Variants in SLC43A2 observed in about 807,000 individuals in gnomAD.
SLC43A2 encodes large neutral amino acids transporter small subunit 4.
SLC43A2 carries 38 observed loss-of-function variants against 63.2 expected under a neutral mutation model. The observed-to-expected ratio is 0.60, with a 90% CI of 0.46 to 0.79. SLC43A2 has a LOEUF of 0.79. SLC43A2 is among the 30% of genes least tolerant of loss of function. The pLI is 0.00. For missense variants in SLC43A2, 644 were observed against 756.2 expected, an observed-to-expected ratio of 0.85 and a Z score of 1.74; for synonymous variants, 322 against 331.0, an observed-to-expected ratio of 0.97 and a Z score of 0.30.
chr17:1,609,510 T>C (rs1053878840), intron 5 of SLC43A2, among the ~76,000 whole-genome samples: 1 of 152,104 alleles, frequency 6.6e-6, no homozygotes, highest in African/African-American at 2.4e-5. Context: ...CCAGATAACA[T>C]TTTTAGAAGA....
intron 8 of SLC43A2, 70 bp from the exon 9 acceptor site, chr17:1,591,018 C>T (rs1904716751): frequency 1.3e-6 from 2 of 1,506,496 alleles, no homozygotes; most frequent in African/African-American, 1.4e-5. Context: ...CACGCAGATC[C>T]CTCCACGCTG....
At chr17:1,581,201 C>CA (rs1438587952) in intron 11 of SLC43A2, among the ~76,000 whole-genome samples, 5 of 129,756 alleles carry the variant, frequency 3.9e-5, no homozygotes, top group South Asian at 5.6e-4. Flanking sequence ...GTGCCCAGTG[C>CA]CCACACACAC....
intron 5 of SLC43A2, among the ~76,000 whole-genome samples, chr17:1,609,814 T>G (rs1015775156): frequency 6.6e-6 from 1 of 151,302 alleles, no homozygotes; most frequent in African/African-American, 2.4e-5. Flanking sequence ...TTATCACAGT[T>G]CTTTTTTTTT....
In SLC43A2 at chr17:1,587,103, T is replaced by C. The variant is rs76181243; in HGVS notation, c.1079-1052A>G. ...ATTTCCCACACTGCGTTTCCCGCAC[T>C]GCATTTCCCACTAAGCGTGACTCGG... On this transcript the variant is annotated intron_variant, in intron 9 of 13. Coordinates refer to ENST00000301335, the MANE Select transcript of SLC43A2 (RefSeq NM_152346.3). 3.4e-4 allele frequency: 231 copies of C among 673,440 alleles called. 1 individual carries two copies. The highest frequency in any genetic ancestry group is 4.9e-4 in the Non-Finnish European group (210 of 426,302). 41.7% of individuals were successfully genotyped at this position (673,440 alleles called of 1,614,324 possible). A position where few individuals can be genotyped will look rare whatever the true frequency, so the allele number is the denominator to read the frequency against.
At position 1,583,178 on chromosome 17, in the gene SLC43A2, C is replaced by G; in HGVS notation, c.1350+26G>C. The G allele has an allele frequency of 6.2e-7, 1 of 1,609,110 alleles. No homozygotes were observed. The highest frequency in any genetic ancestry group is 1.3e-5 in the African/African-American group (1 of 74,990). On this transcript the variant is annotated intron_variant, in intron 11 of 13. Coordinates refer to ENST00000301335, the MANE Select transcript of SLC43A2 (RefSeq NM_152346.3). This position sits in a 1 kb window ranked among gnomAD's most constrained non-coding sequence, Gnocchi z 5.5. Reference sequence around the variant, plus strand: ...TCCTTCTGACTGCCCCACCTCCCACCTGCCCCTCCCACTCCCCACACCCAC... The same window carrying G: ...TCCTTCTGACTGCCCCACCTCCCACGTGCCCCTCCCACTCCCCACACCCAC...
intron 5 of SLC43A2, among the ~76,000 whole-genome samples, chr17:1,603,762 G>A (rs868168454): frequency 2.0e-4 from 30 of 152,054 alleles, no homozygotes; most frequent in African/African-American, 3.9e-4. Flanking sequence ...TCCAGTCTGG[G>A]CAACAAGAGT....
intron 6 of SLC43A2, among the ~76,000 whole-genome samples, chr17:1,592,429 C>A (rs182486292): frequency 2.6e-5 from 4 of 152,110 alleles, no homozygotes; most frequent in Non-Finnish European, 4.4e-5. Context: ...CCTGTTCCCC[C>A]CCAAAAAAAG....
In SLC43A2 at chr17:1,574,095, T is replaced by G. The variant is rs1325098553; in HGVS notation, c.*1509A>C. The G allele has an allele frequency of 6.6e-6, 1 of 152,342 alleles. No individual in the cohort carries two copies. The highest frequency in any genetic ancestry group is 1.5e-5 in the Non-Finnish European group (1 of 68,118). The allele number at this position is 152,342 out of a possible 1,614,324, so 9.4% of individuals were successfully genotyped here. A position where few individuals can be genotyped will look rare whatever the true frequency, so the allele number is the denominator to read the frequency against. ...CCTGCAGAAGAACCCAGCGGGAATC[T>G]TCAGGGTTGTGGAAGGGTGTAGGGA... is the stretch of plus-strand genomic sequence containing the variant. On this transcript the variant is annotated 3_prime_UTR_variant, in exon 14 of 14. Coordinates refer to ENST00000301335, the MANE Select transcript of SLC43A2 (RefSeq NM_152346.3).
chr17:1,591,191 G>A, intron 8 of SLC43A2, 78 bp downstream of exon 8: 1 of 1,544,776 alleles, frequency 6.5e-7, no homozygotes, highest in African/African-American at 1.4e-5. Context: ...CCCCTTTTGG[G>A]GTGAGGTGGG....
At position 1,574,123 on chromosome 17, in the gene SLC43A2, G is replaced by A. The variant is rs900064262; in HGVS notation, c.*1481C>T. On this transcript the variant is annotated 3_prime_UTR_variant, in exon 14 of 14. Coordinates refer to ENST00000301335, the MANE Select transcript of SLC43A2 (RefSeq NM_152346.3). ...AGGGTTGTGGAAGGGTGTAGGGATG[G>A]AAAGGGACCAGGATTCGCCTGTTTG... is the stretch of plus-strand genomic sequence containing the variant. The A allele has an allele frequency of 6.6e-6, 1 of 152,378 alleles. No homozygotes were observed. The highest frequency in any genetic ancestry group is 2.4e-5 in the African/African-American group (1 of 41,462). 9.4% of individuals were successfully genotyped at this position (152,378 alleles called of 1,614,324 possible). A position where few individuals can be genotyped will look rare whatever the true frequency, so the allele number is the denominator to read the frequency against.
chr17:1,594,439 C>T (rs1421461093), intron 5 of SLC43A2, among the ~76,000 whole-genome samples: 1 of 152,202 alleles, frequency 6.6e-6, no homozygotes, highest in African/African-American at 2.4e-5. Flanking sequence ...TTCCTGTCCA[C>T]ACCCAGCGTC....
rs538181134 is a variant in SLC43A2 at position 1,614,575 on chromosome 17, C to T, written c.424+404G>A. On this transcript the variant is annotated intron_variant, in intron 4 of 13. Coordinates refer to ENST00000301335, the MANE Select transcript of SLC43A2 (RefSeq NM_152346.3). Reference sequence around the variant, plus strand: ...GGTGTTTGCTCTACAAATCCTTGAACAGGGTTGGGGACCAGGTGGCTTCTA... The same window carrying T: ...GGTGTTTGCTCTACAAATCCTTGAATAGGGTTGGGGACCAGGTGGCTTCTA... Among the ~76,000 whole-genome samples the T allele has an allele frequency of 4.6e-5, 7 of 152,256 alleles. No homozygotes were observed. In the South Asian group the frequency reaches 1.0e-3, roughly 23 times the overall value.
Position 1,627,912 on chromosome 17 carries a change from C to T in SLC43A2, c.-38G>A, listed in dbSNP as rs1391489208. On this transcript the variant is annotated 5_prime_UTR_variant, in exon 2 of 14. Transcript: ENST00000301335. The stretch of plus-strand genomic sequence containing the variant: ...CGCGGCTCCGGCTCCGGCTCCGGCT[C>T]TGCACCACCTGCGCACAGAACTCGG... 4 of 1,509,426 alleles carry T rather than the reference C, an allele frequency of 2.7e-6. No homozygotes were observed. The highest frequency in any genetic ancestry group is 5.2e-5 in the East Asian group (2 of 38,466). 93.5% of individuals were successfully genotyped at this position (1,509,426 alleles called of 1,614,324 possible).
intron 2 of SLC43A2, among the ~76,000 whole-genome samples, chr17:1,618,190 G>A (rs1193348570): frequency 2.0e-5 from 3 of 152,236 alleles, no homozygotes; most frequent in Admixed American, 1.3e-4. Flanking sequence ...AAGGAGCCCC[G>A]CCGGGGCCGT....
At chr17:1,596,642 C>T (rs191336164) in intron 5 of SLC43A2, among the ~76,000 whole-genome samples, 4 of 151,926 alleles carry the variant, frequency 2.6e-5, no homozygotes, top group Middle Eastern at 3.4e-3. Context: ...TGCAGTGGTG[C>T]GATCTCGGCC....
chr17:1,629,002 A>G (rs1908954424), upstream of SLC43A2: 2 of 151,530 alleles, frequency 1.3e-5, no homozygotes. Context: ...GAGACAAACA[A>G]GAGAGATGGG....
At chr17:1,624,718 CT>C (rs1908501210) in intron 2 of SLC43A2, among the ~76,000 whole-genome samples, 1 of 151,834 alleles carries the variant, frequency 6.6e-6, no homozygotes, top group Admixed American at 6.6e-5. Context: ...TGGCGAGACC[CT>C]GTCTCTACAA....
intron 5 of SLC43A2, among the ~76,000 whole-genome samples, chr17:1,599,929 A>G (rs892994787): frequency 8.1e-5 from 12 of 147,840 alleles, no homozygotes; most frequent in Non-Finnish European, 1.6e-4. Context: ...CTGTAGTCCC[A>G]GCTACTCGGG....
rs201104192 is a variant in SLC43A2 at position 1,585,876 on chromosome 17, C to T, written c.1217+37G>A. The T allele has an allele frequency of 8.1e-5, 131 of 1,612,716 alleles. 1 individual carries two copies. The African/African-American group carries it at 9.3e-4, about 11-fold the overall frequency. ...CTCTGGGGTCTTTCTGCAGGGGCTG[C>T]GGGCTGGGAGCCGGGGCACCGGCCC... On this transcript the variant is annotated intron_variant, in intron 10 of 13. Coordinates refer to ENST00000301335, the MANE Select transcript of SLC43A2 (RefSeq NM_152346.3).
Sources: gnomAD v4.1 joint callset for allele counts (sites outside exome capture counted in the v4.1 genomes callset) on GRCh38, gnomAD v4.1.1 for gene constraint, Gnocchi (gnomAD v3.1) non-coding constraint, MANE v1.5 for transcripts, NCBI Gene and HGNC (gene_info 2026-07-23, HGNC 2026-07-21) for gene names.